Variants in EPS8L3 observed in about 807,000 individuals in gnomAD.
EPS8L3 encodes EPS8 signaling adaptor L3.
A neutral mutation model predicts 88.5 loss-of-function variants in EPS8L3; 80 were observed. That is an observed-to-expected ratio of 0.90 (90% confidence interval 0.75 to 1.09). The LOEUF (loss-of-function observed/expected upper bound fraction) is 1.09, where lower values mean the gene tolerates loss of function less well. Among genes scored for constraint, EPS8L3 ranks in the 50% least tolerant of loss-of-function variants. The pLI is 0.00. For missense variants in EPS8L3, 721 were observed against 735.2 expected (o/e 0.98, Z 0.22); for synonymous variants, 286 against 291.0 (o/e 0.98, Z 0.18).
rs202151180 is a variant in EPS8L3, at chr1:109,757,802, C to A, written c.894G>T (p.Leu298=). The A allele has an allele frequency of 6.2e-6, 10 of 1,613,980 alleles. No homozygotes were observed. In the East Asian group the frequency reaches 1.1e-4, roughly 18 times the overall value. The part of the protein sequence containing the change: ...FQKIKHSFNL[L]GRLATWLKET... ...GGTGAACTTGTGGGGAGCCACCTACCAGGAGGTTGAAGCTGTGCTTGATCT... is the reference window on the plus strand; with the variant it reads ...GGTGAACTTGTGGGGAGCCACCTACAAGGAGGTTGAAGCTGTGCTTGATCT... The change falls in exon 10 of 19, where the codon CTG becomes CTT. Residue 298 remains leucine, a splice_region_variant and synonymous_variant. Coordinates refer to ENST00000361965, the MANE Select transcript of EPS8L3 (RefSeq NM_133181.4).
intron 3 of EPS8L3, 29 bp downstream of exon 3, chr1:109,761,466 C>T (rs889449555): frequency 4.4e-6 from 7 of 1,591,112 alleles, no homozygotes; most frequent in South Asian, 3.4e-5. Context: ...TTTAGTTGGA[C>T]ACTGCCCGGG....
chr1:109,751,395 C>G lies in EPS8L3; in HGVS notation c.1564-44G>C, dbSNP rs200911926. On this transcript the variant is annotated intron_variant, in intron 16 of 18. Transcript: ENST00000361965. ...AGGGATCAGAGTCCATCTCATCTCACAGCCAACCACAGCCCCTAACATCTG... is the reference window on the plus strand; with the variant it reads ...AGGGATCAGAGTCCATCTCATCTCAGAGCCAACCACAGCCCCTAACATCTG... The G allele has an allele frequency of 1.8e-5, 28 of 1,566,034 alleles. No individual in the cohort carries two copies. In the African/African-American group the frequency reaches 2.6e-4, roughly 14 times the overall value.
At chr1:109,756,085 C>A (rs1650256884) in intron 12 of EPS8L3, among the ~76,000 whole-genome samples, 1 of 152,218 alleles carries the variant, frequency 6.6e-6, no homozygotes, top group African/African-American at 2.4e-5. Context: ...CTCTGGAGTG[C>A]TCCCCAGTAG....
chr1:109,754,226 C>A (rs1476497678), intron 12 of EPS8L3, among the ~76,000 whole-genome samples: 1 of 152,174 alleles, frequency 6.6e-6, no homozygotes, highest in African/African-American at 2.4e-5. Context: ...ATTTCTGCAA[C>A]CTGGTTTCTA....
chr1:109,758,697 CA>C, intron 6 of EPS8L3, 34 bp from the exon 7 acceptor site: 1 of 1,528,114 alleles, frequency 6.5e-7, no homozygotes, highest in East Asian at 2.3e-5. Flanking sequence ...ACATCTTTGA[CA>C]AGGTTCTTTG....
At position 109,751,680 on chromosome 1, in the gene EPS8L3, C is replaced by A; in HGVS notation, c.1537G>T (p.Gly513Trp). ...ILEPLQPGTP[G>W]TQGQSPSRVP... ...CGAGAGGGTGACTGGCCCTGGGTCC[C>A]AGGGGTCCCCGGCTGTAGGGGCTCC... The change falls in exon 16 of 19, where the codon GGG becomes TGG. Residue 513 changes from glycine to tryptophan, a missense_variant. By Grantham distance (184) the Gly-to-Trp change is radical (BLOSUM62 -2). Coordinates refer to ENST00000361965, the MANE Select transcript of EPS8L3 (RefSeq NM_133181.4). 1 of 1,614,018 alleles carries A rather than the reference C, an allele frequency of 6.2e-7. No homozygotes were observed. Among genetic ancestry groups the A allele is most frequent in the East Asian group, 2.2e-5 (1 of 44,858 alleles).
At position 109,752,112 on chromosome 1, in the gene EPS8L3, G is replaced by A. The variant is rs1234439769; in HGVS notation, c.1317C>T (p.Pro439=). 1 of 1,614,098 alleles carries A rather than the reference G, an allele frequency of 6.2e-7. No individual in the cohort carries two copies. The highest frequency in any genetic ancestry group is 8.5e-7 in the Non-Finnish European group (1 of 1,180,016). The change falls in exon 15 of 19, where the codon CCC becomes CCT. Residue 439 remains proline (P), a synonymous_variant. Transcript: ENST00000361965. Reference sequence around the variant, plus strand: ...GTTTGGGGCTGGAGGGCCTGGAGTTGGGGTCCCCAGGCTGAGGGTCATGGT... The same window carrying A: ...GTTTGGGGCTGGAGGGCCTGGAGTTAGGGTCCCCAGGCTGAGGGTCATGGT... ...THNHDPQPGD[P]NSRPSSPKPA...
chr1:109,759,241 C>T lies in EPS8L3; in HGVS notation c.402G>A (p.Val134=), dbSNP rs767270489. ...TSTLLFQCQE[V]GAERLKTSLQ... The stretch of plus-strand genomic sequence containing the variant: ...CCAATCACCCCCGACCACTCACCCC[C>T]ACTTCCTGGCACTGGAAGAGCAGAG... Residue 134 remains valine, a synonymous_variant, in exon 5 of 19, where the codon GTG becomes GTA. Transcript: ENST00000361965. This position sits in a 1 kb window ranked among gnomAD's most constrained non-coding sequence, Gnocchi z 4.2. 1.2e-6 allele frequency: 2 copies of T among 1,613,896 alleles called. No individual in the cohort carries two copies. The highest frequency in any genetic ancestry group is 1.1e-5 in the South Asian group (1 of 91,060).
At chr1:109,757,186 G>A (rs749693945) in intron 11 of EPS8L3, 21 bp from the exon 12 acceptor site, 7 of 1,586,286 alleles carry the variant, frequency 4.4e-6, no homozygotes, top group South Asian at 2.3e-5. Flanking sequence ...GATGGAAGGT[G>A]TCAGGAAGCC....
At chr1:109,756,584 G>A (rs1342398186) in intron 12 of EPS8L3, among the ~76,000 whole-genome samples, 1 of 152,092 alleles carries the variant, frequency 6.6e-6, no homozygotes, top group Non-Finnish European at 1.5e-5. Context: ...ACCCCTGCAG[G>A]GAGTATCTCT....
At chr1:109,761,309 G>C (rs3820666) in intron 3 of EPS8L3, 186 bp downstream of exon 3, 410,283 of 595,820 alleles carry the variant, frequency 0.69, 144,905 homozygotes, top group East Asian at 0.96. Context: ...ACCCCTCCCC[G>C]TCCCTGACAC....
At position 109,757,007 on chromosome 1, in the gene EPS8L3, C is replaced by T; in HGVS notation, c.1118+10G>A. On this transcript the variant is annotated intron_variant, in intron 12 of 18. Transcript: ENST00000361965. ...ACCCCCGATTCAGTTCAGGCTTTGT[C>T]TTCACTCACCGGCTAGTGGTCCAGG... The T allele has an allele frequency of 6.2e-7, 1 of 1,614,214 alleles. No individual in the cohort carries two copies. Among genetic ancestry groups the T allele is most frequent in the African/African-American group, 1.3e-5 (1 of 75,052 alleles).
intron 12 of EPS8L3, among the ~76,000 whole-genome samples, chr1:109,755,409 C>G (rs938841089): frequency 1.3e-5 from 2 of 152,234 alleles, no homozygotes; most frequent in African/African-American, 4.8e-5. Flanking sequence ...TAATTTCATG[C>G]TATGTATATT....
In EPS8L3 at chr1:109,759,240, C is replaced by G; in HGVS notation, c.403G>C (p.Gly135Arg). The G allele has an allele frequency of 6.2e-7, 1 of 1,613,796 alleles. No homozygotes were observed. The highest frequency in any genetic ancestry group is 8.5e-7 in the Non-Finnish European group (1 of 1,179,924). The change falls in exon 5 of 19, where the codon GGG (glycine) becomes CGG (arginine). Residue 135 changes from glycine to arginine, a missense_variant and splice_region_variant. Coordinates refer to ENST00000361965, the MANE Select transcript of EPS8L3 (RefSeq NM_133181.4). The surrounding 1 kb of genome is among the most constrained non-coding windows in gnomAD (Gnocchi z 4.2). ...ACCAATCACCCCCGACCACTCACCCCCACTTCCTGGCACTGGAAGAGCAGA... is the reference window on the plus strand; with the variant it reads ...ACCAATCACCCCCGACCACTCACCCGCACTTCCTGGCACTGGAAGAGCAGA... The part of the protein sequence containing the change: ...STLLFQCQEV[G>R]AERLKTSLQK...
chr1:109,758,205 A>G, intron 8 of EPS8L3, 111 bp downstream of exon 8: 1 of 1,312,270 alleles, frequency 7.6e-7, no homozygotes, highest in Non-Finnish European at 1.1e-6. Flanking sequence ...CTCCTGGCCC[A>G]GGCCCTGGCC....
rs375211281 is a variant in EPS8L3, at chr1:109,750,406, A to C, written c.1771-4T>G. 6.2e-7 allele frequency: 1 copy of C among 1,613,702 alleles called. No homozygotes were observed. Among genetic ancestry groups the C allele is most frequent in the Non-Finnish European group, 8.5e-7 (1 of 1,179,836 alleles). On this transcript the variant is annotated splice_polypyrimidine_tract_variant and splice_region_variant and intron_variant, in intron 18 of 18. Transcript: ENST00000361965. ...AAGCTGGTGCCTAAGGGCTTATCTG[A>C]GGAAAGACAAAGATTCAGATGAGGC...
chr1:109,760,056 G>T (rs912254405), intron 3 of EPS8L3, among the ~76,000 whole-genome samples: 11 of 152,192 alleles, frequency 7.2e-5, no homozygotes, highest in Non-Finnish European at 7.3e-5. Context: ...GAGTCTGAGG[G>T]GCTGCAGGAG....
rs1650530910 is a variant in EPS8L3 at position 109,758,449 on chromosome 1, C to A, written c.602-18G>T. The A allele has an allele frequency of 6.3e-7, 1 of 1,584,866 alleles. No individual in the cohort carries two copies. Among genetic ancestry groups the A allele is most frequent in the South Asian group, 1.1e-5 (1 of 87,160 alleles). The stretch of plus-strand genomic sequence containing the variant: ...TGGGAGGCCTGCAGTGTAAGGGGAC[C>A]ATGGACCTAGATCTTAGATCTTTGA... On this transcript the variant is annotated intron_variant, in intron 7 of 18. Transcript: ENST00000361965.
rs745804441 is a variant in EPS8L3, at chr1:109,752,207, T to G, written c.1236-14A>C. ...TGACTTCCCCGCCTAAGAAACAGAG[T>G]CAGGATGGCTGGAGAATGGGGCCTC... On this transcript the variant is annotated splice_polypyrimidine_tract_variant and intron_variant, in intron 14 of 18. Transcript: ENST00000361965. 1.9e-6 allele frequency: 3 copies of G among 1,603,648 alleles called. No homozygotes were observed. The highest frequency in any genetic ancestry group is 2.6e-6 in the Non-Finnish European group (3 of 1,173,500).
Sources: allele counts gnomAD v4.1 joint callset (sites outside exome capture counted in the v4.1 genomes callset), GRCh38; gene constraint gnomAD v4.1.1; non-coding constraint Gnocchi (gnomAD v3.1); transcripts MANE v1.5; gene names NCBI Gene and HGNC (gene_info 2026-07-23, HGNC 2026-07-21).